Variants in KIT observed in about 807,000 individuals in gnomAD.
KIT encodes the protein KIT proto-oncogene, receptor tyrosine kinase.
KIT carries 16 observed loss-of-function variants against 105.7 expected under a neutral mutation model. The observed-to-expected ratio is 0.15, with a 90% CI of 0.10 to 0.23. The LOEUF is 0.23. Among genes scored for constraint, KIT ranks in the 10% least tolerant of loss-of-function variants. The pLI is 1.00. For missense variants in KIT, 858 were observed against 1,213.8 expected, an observed-to-expected ratio of 0.71 and a Z score of 4.36; for synonymous variants, 438 against 441.1, an observed-to-expected ratio of 0.99 and a Z score of 0.09.
At chr4:54,672,822 G>A (rs935627836) in intron 1 of KIT, among the ~76,000 whole-genome samples, 2 of 152,110 alleles carry the variant, frequency 1.3e-5, no homozygotes, top group African/African-American at 2.4e-5. Flanking sequence ...TTTCTGAAAC[G>A]CACCCTCTAA....
At chr4:54,678,161 A>G (rs1172217693) in intron 1 of KIT, among the ~76,000 whole-genome samples, 4 of 152,220 alleles carry the variant, frequency 2.6e-5, no homozygotes. Flanking sequence ...CGTAGCTACC[A>G]TCTGCCAGGA....
chr4:54,672,552 A>G (rs925537644), intron 1 of KIT, among the ~76,000 whole-genome samples: 4 of 151,168 alleles, frequency 2.6e-5, no homozygotes, highest in Non-Finnish European at 4.4e-5. Flanking sequence ...CTCTCTCTTT[A>G]CTCTCCTGAG....
At chr4:54,690,024 T>C (rs1431715121) in intron 1 of KIT, among the ~76,000 whole-genome samples, 3 of 149,082 alleles carry the variant, frequency 2.0e-5, no homozygotes, top group East Asian at 2.0e-4. Flanking sequence ...GGTTCATTCA[T>C]GTGTGGCATG....
chr4:54,708,700 G>A (rs925256940), intron 6 of KIT, among the ~76,000 whole-genome samples: 2 of 152,220 alleles, frequency 1.3e-5, no homozygotes, highest in African/African-American at 2.4e-5. Context: ...TGCCCAGGGA[G>A]CTTGCATAGT....
At chr4:54,693,397 G>C (rs6810872) in intron 1 of KIT, among the ~76,000 whole-genome samples, 97,061 of 151,962 alleles carry the variant, frequency 0.64, 32,920 homozygotes, top group African/African-American at 0.88. Flanking sequence ...TTCCTACACC[G>C]TCTTGGCTGG....
chr4:54,723,555 G>C (rs1233172901), intron 7 of KIT, 29 bp from the exon 8 acceptor site: 7 of 1,452,654 alleles, frequency 4.8e-6, no homozygotes, highest in Non-Finnish European at 5.8e-6. Context: ...CCAGCACTCT[G>C]ACATATGGCC....
intron 1 of KIT, among the ~76,000 whole-genome samples, chr4:54,674,189 C>T (rs1286581423): frequency 6.6e-6 from 1 of 152,178 alleles, no homozygotes; most frequent in Admixed American, 6.5e-5. Flanking sequence ...TTACCTTTGC[C>T]CCTATTTCCT....
chr4:54,666,358 C>T (rs1051256917), intron 1 of KIT, among the ~76,000 whole-genome samples: 1 of 152,166 alleles, frequency 6.6e-6, no homozygotes, highest in Non-Finnish European at 1.5e-5. Context: ...CCGCTCACTG[C>T]AGCCTCCACC....
Position 54,732,737 on chromosome 4 carries a change from A to T in KIT, c.2362-333A>T, listed in dbSNP as rs76282108. On this transcript the variant is annotated intron_variant, in intron 16 of 20. Transcript: ENST00000288135. Reference sequence around the variant, plus strand: ...CATATTAGGAACTCTGTGAAAGGACATTCAAAGAGATGCATGCAAAATGAA... The same window carrying T: ...CATATTAGGAACTCTGTGAAAGGACTTTCAAAGAGATGCATGCAAAATGAA... Among the ~76,000 whole-genome samples the T allele has an allele frequency of 0.11, 17,141 of 152,230 alleles. 1,059 individuals carry two copies. Among genetic ancestry groups the T allele is most frequent in the South Asian group, 0.19 (925 of 4,828 alleles).
chr4:54,695,390 AG>A (rs1719984515), intron 1 of KIT, 121 bp from the exon 2 acceptor site: 1 of 980,440 alleles, frequency 1.0e-6, no homozygotes, highest in Admixed American at 2.0e-5. Context: ...CATAAATAGC[AG>A]GGCAGCTTTG....
At chr4:54,698,909 A>C (rs766954766) in intron 3 of KIT, among the ~76,000 whole-genome samples, 2 of 152,232 alleles carry the variant, frequency 1.3e-5, no homozygotes, top group African/African-American at 2.4e-5. Context: ...AAAGATTAGC[A>C]TGCAGATGAT....
At chr4:54,683,925 C>A (rs1719123647) in intron 1 of KIT, among the ~76,000 whole-genome samples, 1 of 152,128 alleles carries the variant, frequency 6.6e-6, no homozygotes, top group African/African-American at 2.4e-5. Context: ...TGCTTCATTG[C>A]AGAGAATGAA....
chr4:54,717,214 A>G (rs1453483811), intron 7 of KIT, among the ~76,000 whole-genome samples: 1 of 152,244 alleles, frequency 6.6e-6, no homozygotes, highest in African/African-American at 2.4e-5. Context: ...ATGGCAACCT[A>G]CTTTTAAAGT....
At chr4:54,708,695 A>C (rs1720946949) in intron 6 of KIT, among the ~76,000 whole-genome samples, 2 of 152,182 alleles carry the variant, frequency 1.3e-5, no homozygotes, top group Admixed American at 6.5e-5. Flanking sequence ...TGGGCTGCCC[A>C]GGGAGCTTGC....
intron 1 of KIT, among the ~76,000 whole-genome samples, chr4:54,679,486 A>ATT (rs1718752228): frequency 6.6e-6 from 1 of 152,142 alleles, no homozygotes; most frequent in African/African-American, 2.4e-5. Context: ...ATAAAGTGAC[A>ATT]TTTTTGAAAG....
intron 17 of KIT, among the ~76,000 whole-genome samples, chr4:54,734,857 A>G (rs916094083): frequency 2.6e-5 from 4 of 152,190 alleles, no homozygotes; most frequent in African/African-American, 7.2e-5. Context: ...GATGAAATAC[A>G]TAGGAATACC....
intron 1 of KIT, among the ~76,000 whole-genome samples, chr4:54,688,634 A>G (rs534912488): frequency 3.9e-5 from 6 of 152,346 alleles, no homozygotes; most frequent in African/African-American, 1.4e-4. Context: ...GTTGCCGGGG[A>G]GAACCCCTGA....
chr4:54,666,934 G>A (rs1181303346), intron 1 of KIT, among the ~76,000 whole-genome samples: 1 of 152,170 alleles, frequency 6.6e-6, no homozygotes, highest in African/African-American at 2.4e-5. Flanking sequence ...ATGGGTTATT[G>A]ATCTGTTAGG....
chr4:54,666,496 T>G (rs1385036189), intron 1 of KIT, among the ~76,000 whole-genome samples: 2 of 151,718 alleles, frequency 1.3e-5, no homozygotes, highest in African/African-American at 4.8e-5. Flanking sequence ...GCCAGGATGG[T>G]CTTGATCTCT....
Sources: gnomAD v4.1 joint callset for allele counts (sites outside exome capture counted in the v4.1 genomes callset) on GRCh38, gnomAD v4.1.1 for gene constraint, MANE v1.5 for transcripts, NCBI Gene and HGNC (gene_info 2026-07-23, HGNC 2026-07-21) for gene names.